Variants in TMEM132D observed in about 807,000 individuals in gnomAD.
The protein encoded by TMEM132D is mature OL transmembrane protein.
TMEM132D carries 21 observed loss-of-function variants against 62.3 expected under a neutral mutation model. The ratio of observed to expected loss-of-function variants is 0.34; its 90% CI spans 0.24 to 0.49. TMEM132D has a LOEUF of 0.49. Ranked by LOEUF, TMEM132D falls within the 20% of genes least tolerant of loss-of-function variation. The pLI is 0.99. For missense variants in TMEM132D, 1,346 were observed against 1,402.8 expected, an observed-to-expected ratio of 0.96 and a Z score of 0.65; for synonymous variants, 621 against 575.6, an observed-to-expected ratio of 1.08 and a Z score of -1.13.
chr12:129,754,631 C>T (rs1192400388), intron 1 of TMEM132D, among the ~76,000 whole-genome samples: 1 of 152,016 alleles, frequency 6.6e-6, no homozygotes, highest in Non-Finnish European at 1.5e-5. Flanking sequence ...TTCCCTTGAC[C>T]TGAAATTTAG....
At chr12:129,116,590 C>T (rs1299636991) in intron 5 of TMEM132D, among the ~76,000 whole-genome samples, 1 of 152,052 alleles carries the variant, frequency 6.6e-6, no homozygotes, top group Non-Finnish European at 1.5e-5. Flanking sequence ...TTTGAACAGA[C>T]ATCTTACCAA....
chr12:129,903,332 G>A lies in TMEM132D; in HGVS notation c.8C>T (p.Pro3Leu), dbSNP rs138430861. The A allele has an allele frequency of 1.2e-4, 183 of 1,552,610 alleles. 1 individual carries two copies. The African/African-American group carries it at 2.0e-3, about 17-fold the overall frequency. MC[P>L]SEMGTLWHHW... is the part of the protein sequence containing the mutation. ...GTGCCACAGCGTCCCCATCTCAGAC[G>A]GGCACATCCTGGAGACCCGGAGCGC... The change falls in exon 1 of 9, where the codon CCG (proline) becomes CTG (leucine). Residue 3 changes from proline to leucine, a missense_variant. Coordinates refer to ENST00000422113, the MANE Select transcript of TMEM132D (RefSeq NM_133448.3). This position sits in a 1 kb window ranked among gnomAD's most constrained non-coding sequence, Gnocchi z 6.2.
At chr12:129,138,699 C>T (rs951320230) in intron 5 of TMEM132D, among the ~76,000 whole-genome samples, 2 of 152,142 alleles carry the variant, frequency 1.3e-5, no homozygotes, top group African/African-American at 2.4e-5. Flanking sequence ...CCAGCCCAGG[C>T]GACAGAGCAA....
At chr12:129,865,577 G>A (rs1422497103) in intron 1 of TMEM132D, among the ~76,000 whole-genome samples, 2 of 152,140 alleles carry the variant, frequency 1.3e-5, no homozygotes, top group Non-Finnish European at 2.9e-5. Context: ...AGGGAATCTG[G>A]GTTTCATTGT....
chr12:129,710,536 A>T (rs1881615920), intron 1 of TMEM132D, among the ~76,000 whole-genome samples: 1 of 152,118 alleles, frequency 6.6e-6, no homozygotes, highest in African/African-American at 2.4e-5. Flanking sequence ...ACCTCAGGTG[A>T]TCCACCCACC....
chr12:129,455,475 C>T (rs544963435), intron 3 of TMEM132D, among the ~76,000 whole-genome samples: 50 of 152,112 alleles, frequency 3.3e-4, no homozygotes, highest in Admixed American at 5.2e-4. Context: ...GGGAAGCACA[C>T]GTATATAACG....
intron 1 of TMEM132D, among the ~76,000 whole-genome samples, chr12:129,763,462 T>C (rs568334388): frequency 1.4e-5 from 2 of 142,504 alleles, no homozygotes; most frequent in Non-Finnish European, 3.0e-5. Flanking sequence ...TAGTAAAATA[T>C]CAGCAGCTTT....
intron 5 of TMEM132D, among the ~76,000 whole-genome samples, chr12:129,090,302 T>C (rs976757301): frequency 6.6e-6 from 1 of 152,190 alleles, no homozygotes; most frequent in East Asian, 1.9e-4. Flanking sequence ...GTCTTTAATA[T>C]GAGGCTTTTC....
At chr12:129,458,756 C>T (rs1231451705) in intron 3 of TMEM132D, among the ~76,000 whole-genome samples, 1 of 152,108 alleles carries the variant, frequency 6.6e-6, no homozygotes, top group East Asian at 1.9e-4. Context: ...CATATTCGGC[C>T]GATGCGCCGA....
At chr12:129,571,058 G>C (rs370754213) in intron 2 of TMEM132D, among the ~76,000 whole-genome samples, 3 of 152,178 alleles carry the variant, frequency 2.0e-5, no homozygotes, top group African/African-American at 7.2e-5. Flanking sequence ...ATTAGACTAC[G>C]TTAGAGATAA....
intron 6 of TMEM132D, 42 bp downstream of exon 6, chr12:129,084,455 C>T (rs1309954947): frequency 3.2e-6 from 5 of 1,546,572 alleles, no homozygotes; most frequent in Non-Finnish European, 4.4e-6. Flanking sequence ...ACCCCGTACA[C>T]TTCCTCCTTA....
At chr12:129,399,414 C>T (rs371868200) in intron 3 of TMEM132D, among the ~76,000 whole-genome samples, 1 of 149,878 alleles carries the variant, frequency 6.7e-6, no homozygotes, top group Admixed American at 6.6e-5. Context: ...CAATAGCTAA[C>T]CCACTCCCAC....
At chr12:129,449,517 G>A (rs1873205005) in intron 3 of TMEM132D, among the ~76,000 whole-genome samples, 1 of 152,140 alleles carries the variant, frequency 6.6e-6, no homozygotes. Context: ...TCAGATTTTT[G>A]TAGTTCTCTC....
At chr12:129,242,406 G>C (rs1334058751) in intron 4 of TMEM132D, among the ~76,000 whole-genome samples, 2 of 152,120 alleles carry the variant, frequency 1.3e-5, no homozygotes, top group African/African-American at 4.8e-5. Context: ...TTTAAAGTCT[G>C]ATTTTCTTGA....
chr12:129,440,993 T>G (rs1872921168), intron 3 of TMEM132D, among the ~76,000 whole-genome samples: 1 of 152,210 alleles, frequency 6.6e-6, no homozygotes, highest in South Asian at 2.1e-4. Context: ...GTTGAGGTCT[T>G]CACTTGTCCA....
intron 3 of TMEM132D, among the ~76,000 whole-genome samples, chr12:129,360,766 A>G (rs1870221142): frequency 6.6e-6 from 1 of 152,158 alleles, no homozygotes; most frequent in Admixed American, 6.5e-5. Context: ...TGAGGTCAAC[A>G]TGGCTGCCAT....
Position 129,304,320 on chromosome 12 carries a change from G to A in TMEM132D, c.1299+33314C>T, listed in dbSNP as rs151106306. Among the ~76,000 whole-genome samples, 663 of 152,272 alleles carry A rather than the reference G, an allele frequency of 4.4e-3. 3 individuals carry two copies. The highest frequency in any genetic ancestry group is 0.015 in the African/African-American group (632 of 41,554). Reference sequence around the variant, plus strand: ...CGATACCGTGCAAAGACCAGGTCATGGCCTGAACAATCCCATATCCTACAA... The same window carrying A: ...CGATACCGTGCAAAGACCAGGTCATAGCCTGAACAATCCCATATCCTACAA... On this transcript the variant is annotated intron_variant, in intron 4 of 8. Coordinates refer to ENST00000422113, the MANE Select transcript of TMEM132D (RefSeq NM_133448.3).
At chr12:129,822,445 G>A (rs73440412) in intron 1 of TMEM132D, among the ~76,000 whole-genome samples, 5,579 of 152,244 alleles carry the variant, frequency 0.037, 334 homozygotes, top group African/African-American at 0.13. Context: ...CCCTCCCCAG[G>A]GAGTCACACA....
At chr12:129,709,809 G>A (rs1455226203) in intron 1 of TMEM132D, among the ~76,000 whole-genome samples, 1 of 152,152 alleles carries the variant, frequency 6.6e-6, no homozygotes, top group African/African-American at 2.4e-5. Context: ...ACACAAAAAT[G>A]TATATCATAT....
Sources: gnomAD v4.1 joint callset for allele counts (sites outside exome capture counted in the v4.1 genomes callset) on GRCh38, gnomAD v4.1.1 for gene constraint, Gnocchi (gnomAD v3.1) non-coding constraint, MANE v1.5 for transcripts, NCBI Gene and HGNC (gene_info 2026-07-23, HGNC 2026-07-21) for gene names.